Variants in CCSER1 observed in about 807,000 individuals in gnomAD.
CCSER1 encodes serine-rich coiled-coil domain-containing protein 1.
Under a neutral mutation model 82.0 loss-of-function variants are expected in CCSER1, and 41 were observed. The ratio of observed to expected loss-of-function variants is 0.50; its 90% CI spans 0.39 to 0.65. The LOEUF is 0.65. CCSER1 is among the 30% of genes least tolerant of loss of function. The pLI is 0.00. For missense variants in CCSER1, 1,119 were observed against 1,064.2 expected, an observed-to-expected ratio of 1.05 and a Z score of -0.72; for synonymous variants, 414 against 383.9, an observed-to-expected ratio of 1.08 and a Z score of -0.92.
chr4:91,538,449 A>G (rs897366328), intron 10 of CCSER1, among the ~76,000 whole-genome samples: 1 of 151,550 alleles, frequency 6.6e-6, no homozygotes, highest in African/African-American at 2.4e-5. Flanking sequence ...AAAATAAAAA[A>G]CAGCATTAAT....
intron 6 of CCSER1, among the ~76,000 whole-genome samples, chr4:90,715,194 T>C (rs1164422974): frequency 1.3e-5 from 2 of 152,018 alleles, no homozygotes; most frequent in African/African-American, 4.8e-5. Flanking sequence ...TAGTTTCCAT[T>C]ATTAGTTAAT....
At chr4:90,381,486 A>G (rs1450810188) in intron 3 of CCSER1, among the ~76,000 whole-genome samples, 3 of 152,174 alleles carry the variant, frequency 2.0e-5, no homozygotes, top group Admixed American at 6.6e-5. Flanking sequence ...ATGGGTGAGT[A>G]TGTTTATAAA....
intron 9 of CCSER1, among the ~76,000 whole-genome samples, chr4:90,952,777 A>G (rs1044112427): frequency 8.6e-5 from 13 of 152,014 alleles, no homozygotes; most frequent in Non-Finnish European, 1.3e-4. Flanking sequence ...GTTTTGACCA[A>G]GATATCTAGG....
chr4:90,808,485 C>T (rs1038688399), intron 7 of CCSER1, among the ~76,000 whole-genome samples: 17 of 151,972 alleles, frequency 1.1e-4, no homozygotes, highest in African/African-American at 4.1e-4. Context: ...TATTTGCCAC[C>T]TGTACATCGA....
intron 10 of CCSER1, among the ~76,000 whole-genome samples, chr4:91,417,055 G>A (rs892000877): frequency 2.4e-4 from 36 of 151,948 alleles, no homozygotes; most frequent in African/African-American, 8.2e-4. Context: ...GGACATAAAT[G>A]GACACTTCTC....
intron 10 of CCSER1, among the ~76,000 whole-genome samples, chr4:91,264,033 A>G (rs1250088253): frequency 6.6e-6 from 1 of 152,002 alleles, no homozygotes; most frequent in African/African-American, 2.4e-5. Context: ...AGAAGGAAAC[A>G]GAGAAATAAT....
chr4:90,180,434 C>CA (rs1439127853), intron 1 of CCSER1, among the ~76,000 whole-genome samples: 9 of 151,878 alleles, frequency 5.9e-5, no homozygotes, highest in Non-Finnish European at 1.0e-4. Context: ...ACTAAAAATA[C>CA]AAAAATTAGC....
At chr4:90,870,151 G>T (rs560405044) in intron 8 of CCSER1, among the ~76,000 whole-genome samples, 40 of 151,994 alleles carry the variant, frequency 2.6e-4, no homozygotes, top group Admixed American at 2.6e-3. Context: ...AGGATAATTT[G>T]ACTTCTTCAT....
chr4:90,921,319 T>C (rs1728350731), intron 8 of CCSER1, among the ~76,000 whole-genome samples: 1 of 151,894 alleles, frequency 6.6e-6, no homozygotes, highest in Admixed American at 6.6e-5. Context: ...TTATTGTACC[T>C]AAGTCTATAG....
chr4:90,169,004 T>C (rs1398636254), intron 1 of CCSER1, among the ~76,000 whole-genome samples: 1 of 152,006 alleles, frequency 6.6e-6, no homozygotes, highest in African/African-American at 2.4e-5. Context: ...TTTTTTGAAT[T>C]CTGTGAAGAA....
chr4:91,206,767 T>C (rs1054415863), intron 10 of CCSER1, among the ~76,000 whole-genome samples: 1 of 151,882 alleles, frequency 6.6e-6, no homozygotes, highest in Non-Finnish European at 1.5e-5. Flanking sequence ...ACAGCCAGAC[T>C]CTGTCCTGTT....
intron 10 of CCSER1, among the ~76,000 whole-genome samples, chr4:91,251,037 C>G (rs1740213679): frequency 6.6e-6 from 1 of 152,134 alleles, no homozygotes; most frequent in East Asian, 1.9e-4. Flanking sequence ...CAACAAACCT[C>G]TGAAGTAGGT....
At chr4:90,562,280 C>T (rs145629053) in intron 5 of CCSER1, among the ~76,000 whole-genome samples, 5 of 152,006 alleles carry the variant, frequency 3.3e-5, no homozygotes, top group East Asian at 1.9e-4. Flanking sequence ...CTGCAAAAGC[C>T]GTTCTTCAGC....
intron 3 of CCSER1, among the ~76,000 whole-genome samples, chr4:90,385,091 CATGGTGTATATGCCACATTTTCTTT>C (rs1298162410): frequency 6.6e-6 from 1 of 152,128 alleles, no homozygotes; most frequent in Non-Finnish European, 1.5e-5. Context: ...AGTAGTATTC[CATGGTGTATATGCCACATTTTCTTT>C]ATCTACTCAT....
intron 7 of CCSER1, among the ~76,000 whole-genome samples, chr4:90,771,303 T>A (rs1250644926): frequency 1.3e-5 from 2 of 151,892 alleles, no homozygotes; most frequent in African/African-American, 4.8e-5. Flanking sequence ...ATTCTAAGAT[T>A]GTTAGTTTGA....
At chr4:90,253,722 T>C (rs933269696) in intron 1 of CCSER1, among the ~76,000 whole-genome samples, 7 of 152,154 alleles carry the variant, frequency 4.6e-5, no homozygotes, top group African/African-American at 1.7e-4. Context: ...CTGATATTGT[T>C]CCTAAGAGGC....
chr4:90,403,975 A>T (rs1753324608), intron 4 of CCSER1: 1 of 152,218 alleles, frequency 6.6e-6, no homozygotes, highest in South Asian at 2.1e-4. Flanking sequence ...AGACCTTTGA[A>T]GGAATTGGAT....
chr4:90,495,784 A>T (rs971205661), intron 5 of CCSER1, among the ~76,000 whole-genome samples: 1 of 152,158 alleles, frequency 6.6e-6, no homozygotes, highest in Non-Finnish European at 1.5e-5. Context: ...GCCCACATTT[A>T]TACAGTTTGG....
chr4:90,427,114 C>T (rs973505983), intron 4 of CCSER1, among the ~76,000 whole-genome samples: 8 of 152,098 alleles, frequency 5.3e-5, no homozygotes, highest in Admixed American at 2.6e-4. Flanking sequence ...TTTTGTGTGT[C>T]TAATAGCCAA....
Sources: gnomAD v4.1 joint callset for allele counts (sites outside exome capture counted in the v4.1 genomes callset) on GRCh38, gnomAD v4.1.1 for gene constraint, MANE v1.5 for transcripts, NCBI Gene and HGNC (gene_info 2026-07-23, HGNC 2026-07-21) for gene names.